Variants in CIMAP1D observed in about 807,000 individuals in gnomAD.
CIMAP1D encodes CIMAP1 family member D.
chr19:490,456 T>C, the CIMAP1D span: 2 of 146,208 alleles, frequency 1.4e-5, no homozygotes, highest in Non-Finnish European at 2.9e-5. Flanking sequence ...AAGCAATACA[T>C]GTTGAGATGC....
At chr19:479,582 T>C in the CIMAP1D span, among the ~76,000 whole-genome samples, 1 of 152,260 alleles carries the variant, frequency 6.6e-6, no homozygotes, top group African/African-American at 2.4e-5. Flanking sequence ...TTTTTGTATT[T>C]TTAGTAGAGA....
chr19:483,993 T>C, the CIMAP1D span, among the ~76,000 whole-genome samples: 1 of 152,184 alleles, frequency 6.6e-6, no homozygotes, highest in African/African-American at 2.4e-5. Context: ...ATCACTCACT[T>C]CTGTTGCTGG....
chr19:470,396 A>G, the CIMAP1D span, among the ~76,000 whole-genome samples: 3 of 150,878 alleles, frequency 2.0e-5, no homozygotes, highest in South Asian at 4.2e-4. Flanking sequence ...TATTTTTAGT[A>G]GAGACGGAGT....
At chr19:470,507 G>T in the CIMAP1D span, among the ~76,000 whole-genome samples, 1 of 152,160 alleles carries the variant, frequency 6.6e-6, no homozygotes, top group African/African-American at 2.4e-5. Context: ...CACCGCGCCC[G>T]GCCCATAGGC....
At chr19:466,076 GGATA>G in the CIMAP1D span, among the ~76,000 whole-genome samples, 1 of 150,232 alleles carries the variant, frequency 6.7e-6, no homozygotes, top group Non-Finnish European at 1.5e-5. Flanking sequence ...ATGGAAGGGT[GGATA>G]GATGGTTGGG....
the CIMAP1D span, among the ~76,000 whole-genome samples, chr19:482,677 C>G: frequency 6.6e-6 from 1 of 152,154 alleles, no homozygotes; most frequent in African/African-American, 2.4e-5. Context: ...AGGCGCCACC[C>G]CACGAGCTGT....
At chr19:470,549 G>C in the CIMAP1D span, among the ~76,000 whole-genome samples, 3 of 152,194 alleles carry the variant, frequency 2.0e-5, no homozygotes, top group African/African-American at 4.8e-5. Context: ...GGGACAGGGG[G>C]TGCTGACGCC....
the CIMAP1D span, among the ~76,000 whole-genome samples, chr19:488,658 G>A: frequency 2.0e-5 from 3 of 152,318 alleles, no homozygotes; most frequent in East Asian, 5.8e-4. Context: ...CGGAAGCCCC[G>A]CAGCCCCTAC....
At chr19:466,141 G>T in the CIMAP1D span, among the ~76,000 whole-genome samples, 2,456 of 126,002 alleles carry the variant, frequency 0.019, 61 homozygotes, top group African/African-American at 0.06. Flanking sequence ...GGATGGATGA[G>T]TGAATGGATG....
At chr19:469,946 T>C in the CIMAP1D span, among the ~76,000 whole-genome samples, 1 of 146,586 alleles carries the variant, frequency 6.8e-6, no homozygotes, top group African/African-American at 2.6e-5. Flanking sequence ...CAGCTCATCA[T>C]GACATCACTC....
the CIMAP1D span, among the ~76,000 whole-genome samples, chr19:484,229 C>T: frequency 9.3e-5 from 14 of 151,322 alleles, no homozygotes; most frequent in African/African-American, 2.9e-4. Flanking sequence ...CAATCTCTGC[C>T]TCCCGGGCTC....
chr19:468,152 G>T, the CIMAP1D span, among the ~76,000 whole-genome samples: 4,459 of 152,210 alleles, frequency 0.029, 251 homozygotes, highest in East Asian at 0.23. Context: ...GGTCACTTGA[G>T]CTCAGGACTT....
the CIMAP1D span, among the ~76,000 whole-genome samples, chr19:479,290 ACCT>A: frequency 9.2e-5 from 14 of 151,460 alleles, no homozygotes; most frequent in Non-Finnish European, 1.5e-5. Flanking sequence ...CTCAATCGTT[ACCT>A]CCTCCTCTCT....
chr19:464,904 ATGG>A, the CIMAP1D span, among the ~76,000 whole-genome samples: 1 of 148,738 alleles, frequency 6.7e-6, no homozygotes, highest in South Asian at 2.2e-4. Context: ...GGATGGATGG[ATGG>A]ATGGATGGAT....
the CIMAP1D span, among the ~76,000 whole-genome samples, chr19:474,207 C>G: frequency 6.6e-5 from 10 of 152,214 alleles, no homozygotes; most frequent in Non-Finnish European, 1.3e-4. Context: ...TGGGCCCTCA[C>G]CGAGGCCAGC....
the CIMAP1D span, among the ~76,000 whole-genome samples, chr19:476,185 G>C: frequency 6.6e-6 from 1 of 151,304 alleles, no homozygotes; most frequent in Non-Finnish European, 1.5e-5. Flanking sequence ...ATTTTTAGTA[G>C]CTAATTACAG....
the CIMAP1D span, among the ~76,000 whole-genome samples, chr19:475,317 T>A: frequency 1.3e-5 from 2 of 152,300 alleles, no homozygotes; most frequent in East Asian, 3.9e-4. Flanking sequence ...TGTACCAGCC[T>A]CTGTTGGGGG....
At chr19:491,225 C>T in the CIMAP1D span, among the ~76,000 whole-genome samples, 100 of 151,780 alleles carry the variant, frequency 6.6e-4, 1 homozygote, top group Middle Eastern at 3.4e-3. Flanking sequence ...TGCAGTGAGC[C>T]AAGATCTCAC....
the CIMAP1D span, among the ~76,000 whole-genome samples, chr19:487,756 G>C: frequency 6.6e-6 from 1 of 152,102 alleles, no homozygotes. Flanking sequence ...ACTCTATTAA[G>C]GGAGGAGACC....
Sources: gnomAD v4.1 joint callset for allele counts (sites outside exome capture counted in the v4.1 genomes callset) on GRCh38, gnomAD v4.1.1 for gene constraint, MANE v1.5 for transcripts, NCBI Gene and HGNC (gene_info 2026-07-23, HGNC 2026-07-21) for gene names.